Variants in LILRB1 observed in about 807,000 individuals in gnomAD.
LILRB1 encodes the protein leukocyte immunoglobulin like receptor B1.
A neutral mutation model predicts 74.6 loss-of-function variants in LILRB1; 59 were observed. That is an observed-to-expected ratio of 0.79 (90% CI 0.64 to 0.98). LILRB1 has a LOEUF of 0.98. Among genes scored for constraint, LILRB1 ranks in the 50% least tolerant of loss-of-function variants. LILRB1 has a pLI of 0.00. For synonymous variants in LILRB1, 328 were observed against 333.9 expected (o/e 0.98, Z 0.19); for missense variants, 804 against 822.6 (o/e 0.98, Z 0.28).
At chr19:54,635,649 G>T in intron 13 of LILRB1, 40 bp downstream of exon 13, 1 of 1,606,498 alleles carries the variant, frequency 6.2e-7, no homozygotes, top group Non-Finnish European at 8.5e-7. Flanking sequence ...AAGGCCTCCT[G>T]GTGCCAGATC....
At chr19:54,626,516 T>G (rs1456661230), upstream of LILRB1, among the ~76,000 whole-genome samples, 1 of 152,264 alleles carries the variant, frequency 6.6e-6, no homozygotes, top group Non-Finnish European at 1.5e-5. Context: ...GTTTTCTACT[T>G]TATTCATTTC....
In LILRB1 at chr19:54,634,017, G is replaced by A. The variant is rs773924949; in HGVS notation, c.1359G>A (p.Gln453=). ...TCACCCCCACCGGGTCGGATCCCCAGAGTGGTGAGTGACGGGCTCTGAGTG... is the reference window on the plus strand; with the variant it reads ...TCACCCCCACCGGGTCGGATCCCCAAAGTGGTGAGTGACGGGCTCTGAGTG... The part of the protein sequence containing the change: ...QPLTPTGSDP[Q]SGLGRHLGVV... Residue 453 remains glutamine, a synonymous_variant, in exon 9 of 15, where the codon CAG becomes CAA. Transcript: ENST00000324602. 6.5e-4 allele frequency: 1,031 copies of A among 1,596,402 alleles called. 11 individuals carry two copies. In the African/African-American group the frequency reaches 0.012, roughly 18 times the overall value.
At position 54,634,769 on chromosome 19, in the gene LILRB1, T is replaced by C; in HGVS notation, c.1486+6T>C. On this transcript the variant is annotated splice_donor_region_variant and intron_variant, in intron 10 of 14. Coordinates refer to ENST00000324602, the MANE Select transcript of LILRB1 (RefSeq NM_001081637.3). ...GGGCAAACACTGGACATCGAGTGAG[T>C]AGGGAATGGGGGGACCCTGAGGGCT... The C allele has an allele frequency of 6.2e-7, 1 of 1,613,168 alleles. No homozygotes were observed. Among genetic ancestry groups the C allele is most frequent in the Non-Finnish European group, 8.5e-7 (1 of 1,179,644 alleles).
At chr19:54,618,126 A>G (rs865882364) in intron 1 of LILRB1, among the ~76,000 whole-genome samples, 1,617 of 145,884 alleles carry the variant, frequency 0.011, 39 homozygotes, top group African/African-American at 0.038. Context: ...GAAAAAAAGA[A>G]AAAAAGAAAA....
intron 1 of LILRB1, among the ~76,000 whole-genome samples, chr19:54,623,780 T>G (rs2063511373): frequency 6.6e-6 from 1 of 152,218 alleles, no homozygotes; most frequent in African/African-American, 2.4e-5. Context: ...TGATTCCTTC[T>G]CTTCTGGAGA....
chr19:54,630,720 C>T lies in LILRB1; in HGVS notation c.-49+87C>T. On this transcript the variant is annotated intron_variant, in intron 1 of 14. Coordinates refer to ENST00000324602, the MANE Select transcript of LILRB1 (RefSeq NM_001081637.3). Reference sequence around the variant, plus strand: ...GGCTGTGAGAAGGAAGGAGATGCCTCCGCTACCCTCGTCAGGAAGGGCAGA... The same window carrying T: ...GGCTGTGAGAAGGAAGGAGATGCCTTCGCTACCCTCGTCAGGAAGGGCAGA... 1.4e-5 allele frequency: 8 copies of T among 577,856 alleles called. No homozygotes were observed. The South Asian group carries it at 1.5e-4, about 11-fold the overall frequency. 35.8% of individuals were successfully genotyped at this position (577,856 alleles called of 1,614,324 possible).
At chr19:54,620,054 C>CA (rs140253774) in intron 1 of LILRB1, among the ~76,000 whole-genome samples, 8,591 of 134,984 alleles carry the variant, frequency 0.064, 266 homozygotes, top group African/African-American at 0.089. Context: ...ATAGGTTTTG[C>CA]AAAAAAAAAA....
rs1428681392 is a variant in LILRB1, at chr19:54,621,261, T to TCTTC, written c.-166+3912_-166+3913insCTTC. Among the ~76,000 whole-genome samples, 9 of 152,052 alleles carry TCTTC rather than the reference T, an allele frequency of 5.9e-5. No homozygotes were observed. The East Asian group carries it at 1.5e-3, about 26-fold the overall frequency. ...GTGAAATGGTAGTTCTATTTTTAGT[T>TCTTC]GAGATAGCTCCATATTATTTTCCAT... On this transcript the variant is annotated intron_variant, in intron 1 of 15. Transcript: ENST00000396331.
At chr19:54,627,094 T>G (rs1235596181), upstream of LILRB1, among the ~76,000 whole-genome samples, 1 of 152,158 alleles carries the variant, frequency 6.6e-6, no homozygotes, top group Admixed American at 6.5e-5. Context: ...TTCCTCCATT[T>G]TTTGCTTTGT....
intron 6 of LILRB1, 87 bp from the exon 7 acceptor site, chr19:54,632,929 G>A: frequency 6.4e-7 from 1 of 1,560,778 alleles, no homozygotes; most frequent in Non-Finnish European, 8.7e-7. Context: ...CAGAGACAGA[G>A]ACACTGAGGG....
rs753182726 is a variant in LILRB1 at position 54,634,798 on chromosome 19, C to G, written c.1486+35C>G. On this transcript the variant is annotated intron_variant, in intron 10 of 14. Coordinates refer to ENST00000324602, the MANE Select transcript of LILRB1 (RefSeq NM_001081637.3). ...GAATGGGGGGACCCTGAGGGCTGAC[C>G]GAGGGTGGGCTCAGGGCACAGCCAA... is the stretch of plus-strand genomic sequence containing the variant. The G allele has an allele frequency of 1.9e-6, 3 of 1,607,518 alleles. No homozygotes were observed. The South Asian group carries it at 3.3e-5, about 18-fold the overall frequency.
At chr19:54,636,432 G>A (rs1158833161) in intron 13 of LILRB1, 62 bp from the exon 14 acceptor site, 54 of 1,593,990 alleles carry the variant, frequency 3.4e-5, no homozygotes, top group Non-Finnish European at 4.2e-5. Flanking sequence ...GAACAGTGAG[G>A]AAAATTGACT....
intron 7 of LILRB1, 92 bp downstream of exon 7, chr19:54,633,410 G>T: frequency 3.3e-6 from 5 of 1,502,578 alleles, no homozygotes; most frequent in African/African-American, 1.4e-5. Context: ...GTGAGCGGGG[G>T]TCTGAGAGGG....
At chr19:54,624,019 G>C (rs189903691) in intron 1 of LILRB1, among the ~76,000 whole-genome samples, 3 of 152,184 alleles carry the variant, frequency 2.0e-5, no homozygotes, top group Non-Finnish European at 4.4e-5. Flanking sequence ...GCACAAGCAG[G>C]TGGATATGGA....
At chr19:54,635,897 T>G in intron 13 of LILRB1, 1 of 629,456 alleles carries the variant, frequency 1.6e-6, no homozygotes. Flanking sequence ...ACCACCCCGG[T>G]CCCCCAGGCT....
chr19:54,618,582 G>A (rs943362190), intron 1 of LILRB1, among the ~76,000 whole-genome samples: 1 of 152,166 alleles, frequency 6.6e-6, no homozygotes, highest in African/African-American at 2.4e-5. Context: ...GGCCGAGGCT[G>A]GTGGATCACC....
chr19:54,623,203 C>T (rs776876027), intron 1 of LILRB1, among the ~76,000 whole-genome samples: 2 of 152,110 alleles, frequency 1.3e-5, no homozygotes, highest in Non-Finnish European at 2.9e-5. Context: ...AGAATCCCAT[C>T]GCCTTGATTT....
At chr19:54,631,155 C>A (rs1430506401) in intron 2 of LILRB1, 48 bp downstream of exon 2, 43 of 1,613,790 alleles carry the variant, frequency 2.7e-5, no homozygotes, top group Non-Finnish European at 3.6e-5. Context: ...AGGGACCTCA[C>A]CCCACAGCCA....
Position 54,633,114 on chromosome 19 carries a change from C to A in LILRB1, c.1057C>A (p.Gln353Lys). The A allele has an allele frequency of 6.2e-7, 1 of 1,614,268 alleles. No homozygotes were observed. The highest frequency in any genetic ancestry group is 8.5e-7 in the Non-Finnish European group (1 of 1,180,046). The change falls in exon 7 of 15, where the codon CAA becomes AAA. Residue 353 changes from glutamine to lysine, a missense_variant. Gln to Lys is a moderately conservative substitution (Grantham distance 53). Coordinates refer to ENST00000324602, the MANE Select transcript of LILRB1 (RefSeq NM_001081637.3). ...TLLCQSQGWM[Q>K]TFLLTKEGAA... ...GCTGTGTCAGTCACAGGGATGGATG[C>A]AAACTTTCCTTCTGACCAAGGAGGG...
Sources: gnomAD v4.1 joint callset for allele counts (sites outside exome capture counted in the v4.1 genomes callset) on GRCh38, gnomAD v4.1.1 for gene constraint, MANE v1.5 for transcripts, NCBI Gene and HGNC (gene_info 2026-07-23, HGNC 2026-07-21) for gene names.